The following MRPS31 variants were observed in gnomAD, a reference collection of about 807,000 sequenced individuals.
The protein encoded by MRPS31 is small ribosomal subunit protein mS31.
A neutral mutation model predicts 43.1 loss-of-function variants in MRPS31; 32 were observed. The observed-to-expected ratio is 0.74, with a 90% CI of 0.56 to 1.00. The LOEUF is 1.00. Among genes scored for constraint, MRPS31 ranks in the 50% least tolerant of loss-of-function variants. The pLI is 0.00. For synonymous variants in MRPS31, 165 were observed against 161.6 expected, an observed-to-expected ratio of 1.02 and a Z score of -0.16; for missense variants, 437 against 466.7, an observed-to-expected ratio of 0.94 and a Z score of 0.59.
chr13:40,738,967 G>T, intron 6 of MRPS31, among the ~76,000 whole-genome samples: 1 of 152,184 alleles, frequency 6.6e-6, no homozygotes, highest in East Asian at 1.9e-4. Flanking sequence ...GAAATAAAGG[G>T]TATTCAATTA....
At chr13:40,760,134 C>CAAA (rs11327076) in intron 2 of MRPS31, among the ~76,000 whole-genome samples, 2 of 77,884 alleles carry the variant, frequency 2.6e-5, no homozygotes, top group East Asian at 3.2e-4. Flanking sequence ...TAGACTCTGT[C>CAAA]AAAAAAAAAA....
At chr13:40,732,420 T>G (rs1461710184) in intron 6 of MRPS31, among the ~76,000 whole-genome samples, 2 of 152,214 alleles carry the variant, frequency 1.3e-5, no homozygotes, top group Non-Finnish European at 2.9e-5. Flanking sequence ...TTCTGGCTTT[T>G]TATCTTGGTA....
intron 6 of MRPS31, among the ~76,000 whole-genome samples, chr13:40,739,044 G>A (rs1237314665): frequency 6.6e-6 from 1 of 152,160 alleles, no homozygotes; most frequent in African/African-American, 2.4e-5. Context: ...AAACCCCATT[G>A]TCTCAGCCCA....
intron 6 of MRPS31, among the ~76,000 whole-genome samples, chr13:40,741,630 A>G (rs1451545930): frequency 6.6e-6 from 1 of 152,188 alleles, no homozygotes; most frequent in Admixed American, 6.5e-5. Context: ...TAGTTGGTTG[A>G]CTGGCTATCA....
Position 40,756,964 on chromosome 13 carries a change from T to G in MRPS31, c.649A>C (p.Arg217=). 6.2e-7 allele frequency: 1 copy of G among 1,613,426 alleles called. No homozygotes were observed. Among genetic ancestry groups the G allele is most frequent in the Non-Finnish European group, 8.5e-7 (1 of 1,179,630 alleles). The change falls in exon 4 of 7, where the codon AGA becomes CGA. Residue 217 remains arginine, a synonymous_variant. Transcript: ENST00000323563. The part of the protein sequence containing the change: ...DMKVARSATA[R]VRSRPELRIQ... ...CGAAGCTCTGGTCTTGAACGAACTC[T>G]AGCTGTAGCAGATCTGGCAACTTTC...
intron 6 of MRPS31, among the ~76,000 whole-genome samples, chr13:40,739,943 T>A (rs986984339): frequency 6.0e-5 from 9 of 149,782 alleles, no homozygotes; most frequent in Non-Finnish European, 1.3e-4. Flanking sequence ...ACAAATGGGA[T>A]CTAATTAAAC....
At chr13:40,756,312 C>A (rs1304065479) in intron 4 of MRPS31, among the ~76,000 whole-genome samples, 2 of 152,158 alleles carry the variant, frequency 1.3e-5, no homozygotes, top group Non-Finnish European at 2.9e-5. Context: ...ACTTTAGATT[C>A]TAAAATAACT....
chr13:40,743,324 A>T (rs1880153960), intron 6 of MRPS31, among the ~76,000 whole-genome samples: 3 of 152,076 alleles, frequency 2.0e-5, no homozygotes, highest in African/African-American at 7.2e-5. Context: ...CTCAAAAAAA[A>T]AAAAAGCAAC....
chr13:40,747,860 C>T lies in MRPS31; in HGVS notation c.958+1278G>A, dbSNP rs574217635. Among the ~76,000 whole-genome samples the T allele has an allele frequency of 3.8e-4, 58 of 152,048 alleles. 1 individual carries two copies. The South Asian group carries it at 0.011, about 29-fold the overall frequency. The stretch of plus-strand genomic sequence containing the variant: ...TCCATCTCAAAAAACAAAAACAATA[C>T]GAATATACAAAATATTAAGAATTTG... On this transcript the variant is annotated intron_variant, in intron 6 of 6. Transcript: ENST00000323563.
chr13:40,766,710 A>C, intron 2 of MRPS31, 36 bp downstream of exon 2: 2 of 1,540,790 alleles, frequency 1.3e-6, no homozygotes, highest in Non-Finnish European at 1.7e-6. Context: ...AGCTTACTGG[A>C]GTTTCAAACA....
At chr13:40,747,998 C>T (rs562395875) in intron 6 of MRPS31, among the ~76,000 whole-genome samples, 1 of 152,218 alleles carries the variant, frequency 6.6e-6, no homozygotes, top group East Asian at 1.9e-4. Context: ...TCCATTCCAA[C>T]TATTAATCCA....
chr13:40,736,014 A>G (rs1206077167), intron 6 of MRPS31, among the ~76,000 whole-genome samples: 5 of 145,416 alleles, frequency 3.4e-5, no homozygotes, highest in South Asian at 2.3e-4. Flanking sequence ...ACCAAAGGCA[A>G]AGAAGTTGAA....
At chr13:40,761,932 A>AG (rs1404844580) in intron 2 of MRPS31, among the ~76,000 whole-genome samples, 2 of 151,678 alleles carry the variant, frequency 1.3e-5, no homozygotes, top group South Asian at 4.1e-4. Flanking sequence ...AAAAAAAAAA[A>AG]AAAGAAAGAA....
At chr13:40,756,217 C>T (rs1880522488) in intron 4 of MRPS31, among the ~76,000 whole-genome samples, 2 of 152,286 alleles carry the variant, frequency 1.3e-5, no homozygotes. Flanking sequence ...TCAGACCATG[C>T]CAAATATCTG....
At chr13:40,738,580 C>T (rs1430344704) in intron 6 of MRPS31, among the ~76,000 whole-genome samples, 1 of 152,090 alleles carries the variant, frequency 6.6e-6, no homozygotes, top group Admixed American at 6.6e-5. Context: ...CATCAAAAAG[C>T]TTATCCATCA....
chr13:40,764,530 T>C (rs1880788680), intron 2 of MRPS31, among the ~76,000 whole-genome samples: 1 of 152,158 alleles, frequency 6.6e-6, no homozygotes, highest in Non-Finnish European at 1.5e-5. Flanking sequence ...GGAAAATCAA[T>C]GTGGAACAAG....
Position 40,729,183 on chromosome 13 carries a change from T to C in MRPS31, c.*189A>G, listed in dbSNP as rs1447480711. 6 of 450,582 alleles carry C rather than the reference T, an allele frequency of 1.3e-5. No homozygotes were observed. Among genetic ancestry groups the C allele is most frequent in the East Asian group, 3.7e-5 (1 of 26,696 alleles). 27.9% of individuals were successfully genotyped at this position (450,582 alleles called of 1,614,324 possible). A position where few individuals can be genotyped will look rare whatever the true frequency, so the allele number is the denominator to read the frequency against. On this transcript the variant is annotated 3_prime_UTR_variant, in exon 7 of 7. Transcript: ENST00000323563. ...ATTCCCAGATATTCTTTTGAACCTATGAATACTGATGATTTTTCTCCATGC... is the reference window on the plus strand; with the variant it reads ...ATTCCCAGATATTCTTTTGAACCTACGAATACTGATGATTTTTCTCCATGC...
At chr13:40,740,555 G>C (rs1880054556) in intron 6 of MRPS31, among the ~76,000 whole-genome samples, 1 of 136,680 alleles carries the variant, frequency 7.3e-6, no homozygotes. Flanking sequence ...AACAATGATA[G>C]ACTGGATTAA....
intron 6 of MRPS31, among the ~76,000 whole-genome samples, chr13:40,736,173 G>C (rs1182089172): frequency 6.6e-6 from 1 of 151,852 alleles, no homozygotes; most frequent in Non-Finnish European, 1.5e-5. Context: ...CTGGAAGAAA[G>C]GGTATCAGCA....
Sources: gnomAD v4.1 joint callset for allele counts (sites outside exome capture counted in the v4.1 genomes callset) on GRCh38, gnomAD v4.1.1 for gene constraint, MANE v1.5 for transcripts, NCBI Gene and HGNC (gene_info 2026-07-23, HGNC 2026-07-21) for gene names.